Variants in ABCC4 observed in about 807,000 individuals in gnomAD.
ABCC4 encodes the protein ATP binding cassette subfamily C member 4 (PEL blood group).
In ABCC4, 102 loss-of-function variants were observed where a neutral mutation model predicts 168.5. That is an observed-to-expected ratio of 0.61 (90% confidence interval 0.52 to 0.71). ABCC4 has a LOEUF of 0.71. ABCC4 is among the 30% of genes least tolerant of loss of function. ABCC4 has a pLI of 0.00. For synonymous variants in ABCC4, 617 were observed against 590.7 expected (o/e 1.04, Z -0.65); for missense variants, 1,402 against 1,605.8 (o/e 0.87, Z 2.17).
rs1438551919 is a variant in ABCC4 at position 95,273,370 on chromosome 13, C to G, written c.75-25617G>C. 7.2e-5 allele frequency among the ~76,000 whole-genome samples: 11 copies of G among 152,180 alleles called. No homozygotes were observed. In the East Asian group the frequency reaches 1.5e-3, roughly 21 times the overall value. ...GTCGGCCTGGATGGGCGTGGGGTCC[C>G]AAATAACACCCTCTAGGCCATGGCT... On this transcript the variant is annotated intron_variant, in intron 1 of 30. Transcript: ENST00000645237.
At chr13:95,168,097 A>G (rs2037345322) in intron 14 of ABCC4, among the ~76,000 whole-genome samples, 1 of 152,020 alleles carries the variant, frequency 6.6e-6, no homozygotes, top group Non-Finnish European at 1.5e-5. Flanking sequence ...CAAACTCCTG[A>G]CCTCAAGTGA....
At chr13:95,036,294 A>G (rs1376617741) in intron 29 of ABCC4, among the ~76,000 whole-genome samples, 1 of 152,202 alleles carries the variant, frequency 6.6e-6, no homozygotes, top group Non-Finnish European at 1.5e-5. Context: ...AATTATTCCC[A>G]CAGAGTTGAG....
At chr13:95,201,924 G>A (rs2038638906) in intron 8 of ABCC4, among the ~76,000 whole-genome samples, 1 of 152,188 alleles carries the variant, frequency 6.6e-6, no homozygotes, top group Non-Finnish European at 1.5e-5. Context: ...AGTGAGCTGA[G>A]ATCGTGCCAC....
At chr13:95,064,505 ATG>A (rs2033447422) in intron 25 of ABCC4, among the ~76,000 whole-genome samples, 1 of 57,084 alleles carries the variant, frequency 1.8e-5, no homozygotes, top group Non-Finnish European at 4.0e-5. Context: ...ACACACGTGT[ATG>A]TGTGTATGTG....
At chr13:95,158,024 A>G (rs2036935112) in intron 19 of ABCC4, among the ~76,000 whole-genome samples, 1 of 150,960 alleles carries the variant, frequency 6.6e-6, no homozygotes, top group African/African-American at 2.4e-5. Context: ...GTGAGCCAAG[A>G]TCACGCCACT....
chr13:95,186,485 C>G (rs958968237), intron 11 of ABCC4, among the ~76,000 whole-genome samples: 3 of 152,052 alleles, frequency 2.0e-5, no homozygotes, highest in Non-Finnish European at 4.4e-5. Context: ...CAAAACCAAC[C>G]AAACCCCCGA....
intron 4 of ABCC4, 24 bp downstream of exon 4, chr13:95,234,586 T>C (rs747067050): frequency 5.7e-6 from 9 of 1,586,404 alleles, no homozygotes; most frequent in Non-Finnish European, 3.5e-6. Context: ...GTGAGGTACA[T>C]GTTTAATGCT....
intron 4 of ABCC4, among the ~76,000 whole-genome samples, chr13:95,232,886 CAAATA>C (rs1234351648): frequency 2.0e-5 from 3 of 152,222 alleles, no homozygotes; most frequent in Admixed American, 2.0e-4. Context: ...TACAAAAGCA[CAAATA>C]AAATAAGAAA....
chr13:95,106,085 G>A (rs2034993430), intron 20 of ABCC4, among the ~76,000 whole-genome samples: 1 of 152,096 alleles, frequency 6.6e-6, no homozygotes, highest in Non-Finnish European at 1.5e-5. Context: ...TACAAGATGA[G>A]CTGCCACTTA....
chr13:95,234,275 T>G, intron 4 of ABCC4, among the ~76,000 whole-genome samples: 1 of 152,334 alleles, frequency 6.6e-6, no homozygotes, highest in Middle Eastern at 3.4e-3. Flanking sequence ...TATTTTTAAT[T>G]AGATTTCATT....
chr13:95,141,993 A>C (rs1191303934), intron 19 of ABCC4, among the ~76,000 whole-genome samples: 1 of 152,212 alleles, frequency 6.6e-6, no homozygotes, highest in Non-Finnish European at 1.5e-5. Context: ...GCTGGTGGGA[A>C]TGTAAACTAG....
At chr13:95,090,736 C>T (rs1171399233) in intron 20 of ABCC4, among the ~76,000 whole-genome samples, 1 of 152,134 alleles carries the variant, frequency 6.6e-6, no homozygotes, top group Non-Finnish European at 1.5e-5. Context: ...ACCAGCCTCA[C>T]AAAATCACAC....
chr13:95,020,647 T>G lies in ABCC4; in HGVS notation c.*928A>C, dbSNP rs538122728. On this transcript the variant is annotated 3_prime_UTR_variant, in exon 31 of 31. Transcript: ENST00000645237. ...GTCTCATCACGTTAGCAGAGCCTAT[T>G]CATGCAATTTAGAAAGGATTTCAAT... 6.6e-6 allele frequency: 1 copy of G among 152,372 alleles called. No individual in the cohort carries two copies. Among genetic ancestry groups the G allele is most frequent in the African/African-American group, 2.4e-5 (1 of 41,574 alleles). 9.4% of individuals were successfully genotyped at this position (152,372 alleles called of 1,614,324 possible). A position where few individuals can be genotyped will look rare whatever the true frequency, so the allele number is the denominator to read the frequency against.
In ABCC4 at chr13:95,264,217, A is replaced by G. The variant is rs1011289439; in HGVS notation, c.75-16464T>C. On this transcript the variant is annotated intron_variant, in intron 1 of 30. Transcript: ENST00000645237. ...TACTGTAGAATGCCAACCAATTAAG[A>G]ACAGAATTAACAATAGAATCAGAAA... is the stretch of plus-strand genomic sequence containing the variant. Among the ~76,000 whole-genome samples the G allele has an allele frequency of 5.3e-5, 8 of 152,210 alleles. No individual in the cohort carries two copies. In the East Asian group the frequency reaches 1.5e-3, roughly 29 times the overall value.
chr13:95,173,590 G>C (rs971868676), intron 13 of ABCC4, among the ~76,000 whole-genome samples: 1 of 152,192 alleles, frequency 6.6e-6, no homozygotes, highest in African/African-American at 2.4e-5. Flanking sequence ...TGGAGGACTG[G>C]TCTTGCATGG....
chr13:95,081,549 T>C (rs1053373698), intron 21 of ABCC4, among the ~76,000 whole-genome samples: 2 of 152,228 alleles, frequency 1.3e-5, no homozygotes, highest in African/African-American at 4.8e-5. Context: ...GTTACTCACA[T>C]GTGGACTCCA....
intron 14 of ABCC4, 36 bp from the exon 15 acceptor site, chr13:95,166,403 G>C (rs1289692395): frequency 6.5e-7 from 1 of 1,534,902 alleles, no homozygotes; most frequent in Non-Finnish European, 9.0e-7. Flanking sequence ...AGAGATACAT[G>C]TGCAGGTGAT....
At chr13:95,156,818 C>T (rs1298509130) in intron 19 of ABCC4, among the ~76,000 whole-genome samples, 2 of 152,026 alleles carry the variant, frequency 1.3e-5, no homozygotes, top group Non-Finnish European at 2.9e-5. Flanking sequence ...CTTGGCAGGG[C>T]GCGGTAGCTC....
intron 3 of ABCC4, among the ~76,000 whole-genome samples, chr13:95,244,571 A>AAAAAT (rs1365767219): frequency 1.0e-5 from 1 of 96,486 alleles, no homozygotes; most frequent in Non-Finnish European, 2.0e-5. Context: ...CCCTATCTCA[A>AAAAAT]AAAACAAAAT....
Sources: allele counts gnomAD v4.1 joint callset (sites outside exome capture counted in the v4.1 genomes callset), GRCh38; gene constraint gnomAD v4.1.1; transcripts MANE v1.5; gene names NCBI Gene and HGNC (gene_info 2026-07-23, HGNC 2026-07-21).